AATK: variants seen among roughly 807,000 people sequenced by gnomAD.
AATK encodes serine/threonine-protein kinase LMTK1.
A neutral mutation model predicts 114.3 loss-of-function variants in AATK; 91 were observed. The ratio of observed to expected loss-of-function variants is 0.80; its 90% CI spans 0.67 to 0.95. The LOEUF is 0.95. Ranked by LOEUF, AATK falls within the 40% of genes least tolerant of loss-of-function variation. The pLI is 0.00. For synonymous variants in AATK, 1,075 were observed against 916.5 expected, an observed-to-expected ratio of 1.17 and a Z score of -3.12; for missense variants, 2,176 against 1,965.2, an observed-to-expected ratio of 1.11 and a Z score of -2.03.
intron 1 of AATK, among the ~76,000 whole-genome samples, chr17:81,155,355 G>C (rs2061347624): frequency 6.6e-6 from 1 of 151,566 alleles, no homozygotes; most frequent in African/African-American, 2.4e-5. Flanking sequence ...GGCTTCATAT[G>C]TCTCCCTTTT....
At chr17:81,158,706 G>C (rs1178084897) in intron 1 of AATK, among the ~76,000 whole-genome samples, 1 of 152,230 alleles carries the variant, frequency 6.6e-6, no homozygotes, top group Non-Finnish European at 1.5e-5. Context: ...AGCTGGGCAG[G>C]ACCTGGAAAG....
chr17:81,121,128 G>A lies in AATK; in HGVS notation c.2808C>T (p.Asp936=), dbSNP rs1256618582. The A allele has an allele frequency of 1.2e-6, 2 of 1,606,090 alleles. No individual in the cohort carries two copies. The highest frequency in any genetic ancestry group is 2.2e-5 in the East Asian group (1 of 44,744). ...GPSGGQPRAL[D]SGYDTENYES... Reference sequence around the variant, plus strand: ...CATAGTTCTCGGTGTCATAGCCACTGTCCAGCGCTCGCGGCTGCCCTCCAG... The same window carrying A: ...CATAGTTCTCGGTGTCATAGCCACTATCCAGCGCTCGCGGCTGCCCTCCAG... The change falls in exon 11 of 14, where the codon GAC becomes GAT. Residue 936 remains aspartate (D), a synonymous_variant. Coordinates refer to ENST00000326724, the MANE Select transcript of AATK (RefSeq NM_001080395.3).
At chr17:81,140,757 T>G (rs187414366) in intron 1 of AATK, among the ~76,000 whole-genome samples, 8,703 of 54,394 alleles carry the variant, frequency 0.16, 1,337 homozygotes, top group Middle Eastern at 0.27. Context: ...CGTGGGGCCG[T>G]GAGCCGTGGG....
chr17:81,130,158 G>T (rs2060907604), intron 3 of AATK, among the ~76,000 whole-genome samples: 1 of 152,240 alleles, frequency 6.6e-6, no homozygotes, highest in African/African-American at 2.4e-5. Context: ...ACAGGCCCTG[G>T]TGCCAACAGA....
chr17:81,128,961 T>A, intron 3 of AATK: 1 of 1,062,804 alleles, frequency 9.4e-7, no homozygotes, highest in Non-Finnish European at 1.2e-6. Context: ...CAGGCTGGCA[T>A]CCCACGCCGG....
chr17:81,148,682 G>A (rs1490557819), intron 1 of AATK, among the ~76,000 whole-genome samples: 1 of 152,206 alleles, frequency 6.6e-6, no homozygotes, highest in East Asian at 1.9e-4. Context: ...GGGAGGGAAG[G>A]AGCATACAGA....
Position 81,131,344 on chromosome 17 carries a change from C to T in AATK, c.190-139G>A. The T allele has an allele frequency of 3.4e-6, 4 of 1,186,574 alleles. No homozygotes were observed. The South Asian group carries it at 4.8e-5, about 14-fold the overall frequency. The allele number at this position is 1,186,574 out of a possible 1,614,324, so 73.5% of individuals were successfully genotyped here. ...GGTGCTCGGCCCAGAGTTGGAGCCACCGCCCCTGCAGGCCAATGGCCCAGC... is the reference window on the plus strand; with the variant it reads ...GGTGCTCGGCCCAGAGTTGGAGCCATCGCCCCTGCAGGCCAATGGCCCAGC... On this transcript the variant is annotated intron_variant, in intron 2 of 13. Coordinates refer to ENST00000326724, the MANE Select transcript of AATK (RefSeq NM_001080395.3).
At chr17:81,128,074 TCCCGGCAA>T (rs2060872805) in intron 4 of AATK, among the ~76,000 whole-genome samples, 164 bp from the exon 5 acceptor site, 1 of 152,108 alleles carries the variant, frequency 6.6e-6, no homozygotes, top group Admixed American at 6.6e-5. Context: ...TCCGGATCCC[TCCCGGCAA>T]CCCTCTGGCT....
intron 13 of AATK, among the ~76,000 whole-genome samples, chr17:81,118,785 G>A (rs1226608297): frequency 1.3e-5 from 2 of 152,224 alleles, no homozygotes. Flanking sequence ...GAGGCTGACA[G>A]GCCCTTCCCC....
chr17:81,143,566 C>G (rs2061171219), intron 1 of AATK, among the ~76,000 whole-genome samples: 1 of 151,420 alleles, frequency 6.6e-6, no homozygotes, highest in South Asian at 2.1e-4. Flanking sequence ...CCAATTCCCC[C>G]AGCCATGCAG....
chr17:81,166,137 G>T lies in AATK; in HGVS notation c.-145C>A. On this transcript the variant is annotated 5_prime_UTR_variant, in exon 1 of 14. Transcript: ENST00000326724. Reference sequence around the variant, plus strand: ...GCGCCCCGCGCCCCCCGCCGCAGCCGCAGAGCCCGCACCGGTGGGGGCGGC... The same window carrying T: ...GCGCCCCGCGCCCCCCGCCGCAGCCTCAGAGCCCGCACCGGTGGGGGCGGC... 3.3e-6 allele frequency: 1 copy of T among 299,824 alleles called. No individual in the cohort carries two copies. The highest frequency in any genetic ancestry group is 4.8e-6 in the Non-Finnish European group (1 of 208,836). The allele number at this position is 299,824 out of a possible 1,614,324, so 18.6% of individuals were successfully genotyped here. A position where few individuals can be genotyped will look rare whatever the true frequency, so the allele number is the denominator to read the frequency against.
chr17:81,121,439 C>A lies in AATK; in HGVS notation c.2497G>T (p.Gly833Cys), dbSNP rs774462763. Residue 833 changes from glycine to cysteine, a missense_variant, in exon 11 of 14, where the codon GGC becomes TGC. By Grantham distance (159) the Gly-to-Cys change is radical. This residue lies in a region of AATK where 1,701 missense variants were observed against 1,394.7 expected (regional missense o/e 1.22). Transcript: ENST00000326724. ...LPDSPTPATG[G>C]EVSAIKLASA... Reference sequence around the variant, plus strand: ...GCCAGCTTGATGGCAGACACCTCGCCACCAGTAGCAGGCGTGGGAGAGTCA... The same window carrying A: ...GCCAGCTTGATGGCAGACACCTCGCAACCAGTAGCAGGCGTGGGAGAGTCA... 1 of 1,599,898 alleles carries A rather than the reference C, an allele frequency of 6.3e-7. No homozygotes were observed. The highest frequency in any genetic ancestry group is 8.5e-7 in the Non-Finnish European group (1 of 1,173,308).
chr17:81,119,676 A>G, intron 12 of AATK, 96 bp from the exon 13 acceptor site: 1 of 550,302 alleles, frequency 1.8e-6, no homozygotes, highest in East Asian at 7.5e-5. Flanking sequence ...GCCTCCCATC[A>G]TGTCACGGGC....
At position 81,118,269 on chromosome 17, in the gene AATK, T is replaced by A; in HGVS notation, c.*133A>T. 1.1e-6 allele frequency: 1 copy of A among 887,102 alleles called. No homozygotes were observed. The highest frequency in any genetic ancestry group is 2.4e-5 in the Admixed American group (1 of 41,344). The allele number at this position is 887,102 out of a possible 1,614,324, so 55.0% of individuals were successfully genotyped here. ...CCACGGGCTTCTCCAGGACACCGCGTGGGGCAGAGGCACCTGAATCTGCTG... is the reference window on the plus strand; with the variant it reads ...CCACGGGCTTCTCCAGGACACCGCGAGGGGCAGAGGCACCTGAATCTGCTG... On this transcript the variant is annotated 3_prime_UTR_variant, in exon 14 of 14. Transcript: ENST00000326724.
Position 81,121,734 on chromosome 17 carries a change from G to A in AATK, c.2202C>T (p.Ala734=). 3 of 1,498,916 alleles carry A rather than the reference G, an allele frequency of 2.0e-6. No homozygotes were observed. The highest frequency in any genetic ancestry group is 1.8e-6 in the Non-Finnish European group (2 of 1,128,026). The allele number at this position is 1,498,916 out of a possible 1,614,324, so 92.9% of individuals were successfully genotyped here. The change falls in exon 11 of 14, where the codon GCC becomes GCT. Residue 734 remains alanine (A), a synonymous_variant. Transcript: ENST00000326724. ...GGCAGCAGCCTGGCTCCTGGGCAGA[G>A]GCTGCCTGGAGCCCAAGCAGAGGCT... is the stretch of plus-strand genomic sequence containing the variant. ...PGEPLLGLQA[A]SAQEPGCCPG...
At chr17:81,160,846 C>A (rs1169125257) in intron 1 of AATK, among the ~76,000 whole-genome samples, 1 of 152,226 alleles carries the variant, frequency 6.6e-6, no homozygotes, top group African/African-American at 2.4e-5. Flanking sequence ...AGCAGAACAG[C>A]GTGGTCCCAG....
chr17:81,159,523 G>C (rs1429924423), intron 1 of AATK, among the ~76,000 whole-genome samples: 2 of 152,152 alleles, frequency 1.3e-5, no homozygotes, highest in African/African-American at 4.8e-5. Context: ...GGGGGTTCGA[G>C]GAAATTCCAC....
chr17:81,119,963 A>G lies in AATK; in HGVS notation c.3856T>C (p.Ser1286Pro). The change falls in exon 12 of 14, where the codon TCC becomes CCC. Residue 1286 changes from serine to proline, a missense_variant. Ser to Pro is a moderately conservative substitution (Grantham distance 74). Transcript: ENST00000326724. ...APNRPQQADG[S>P]PNGSTAEEGG... ...TCTTCCGCTGTGGAGCCATTTGGGGAGCCATCAGCCTGCTGCGGCCGGTTG... is the reference window on the plus strand; with the variant it reads ...TCTTCCGCTGTGGAGCCATTTGGGGGGCCATCAGCCTGCTGCGGCCGGTTG... 6.9e-7 allele frequency: 1 copy of G among 1,447,390 alleles called. No individual in the cohort carries two copies. The highest frequency in any genetic ancestry group is 9.1e-7 in the Non-Finnish European group (1 of 1,101,506). The allele number at this position is 1,447,390 out of a possible 1,614,324, so 89.7% of individuals were successfully genotyped here. A position where few individuals can be genotyped will look rare whatever the true frequency, so the allele number is the denominator to read the frequency against.
chr17:81,132,078 C>T (rs1568231348), intron 2 of AATK: 2 of 1,241,270 alleles, frequency 1.6e-6, no homozygotes, highest in Non-Finnish European at 2.1e-6. Context: ...ACCCCACCCC[C>T]AAGTCCAGGG....
Sources: allele counts gnomAD v4.1 joint callset (sites outside exome capture counted in the v4.1 genomes callset), GRCh38; gene constraint gnomAD v4.1.1; regional missense constraint gnomAD v4.1.1; transcripts MANE v1.5; gene names NCBI Gene and HGNC (gene_info 2026-07-23, HGNC 2026-07-21).